The following HIRA variants were observed in gnomAD, a reference collection of about 807,000 sequenced individuals.
The protein encoded by HIRA is histone cell cycle regulator, also known as protein HIRA.
In HIRA, 13 loss-of-function variants were observed where a neutral mutation model predicts 126.6. The observed-to-expected ratio is 0.10, with a 90% CI of 0.07 to 0.16. The LOEUF is 0.16. HIRA is among the 10% of genes least tolerant of loss of function. HIRA has a pLI of 1.00. For synonymous variants in HIRA, 511 were observed against 520.0 expected, an observed-to-expected ratio of 0.98 and a Z score of 0.24; for missense variants, 834 against 1,314.4, an observed-to-expected ratio of 0.63 and a Z score of 5.65.
At chr22:19,392,891 C>G (rs1827555110) in intron 8 of HIRA, among the ~76,000 whole-genome samples, 1 of 152,144 alleles carries the variant, frequency 6.6e-6, no homozygotes, top group South Asian at 2.1e-4. Context: ...CAGACACCCT[C>G]CTGGATTTAA....
At position 19,359,356 on chromosome 22, in the gene HIRA, G is replaced by A. The variant is rs773534968; in HGVS notation, c.2214C>T (p.Ile738=). 3.1e-6 allele frequency: 5 copies of A among 1,598,668 alleles called. No homozygotes were observed. In the Admixed American group the frequency reaches 6.9e-5, roughly 22 times the overall value. Residue 738 remains isoleucine, a synonymous_variant, in exon 18 of 25, where the codon ATC becomes ATT. Transcript: ENST00000263208. ...CTTACCAGCTGCCCGCAGCAGTGAG[G>A]ATCCGGCTGGTGAGTACCGTCTCCC... The part of the protein sequence containing the change: ...KEWETVLTSR[I]LTAAGSCDVV...
At chr22:19,379,242 G>C (rs1477113687) in intron 13 of HIRA, among the ~76,000 whole-genome samples, 1 of 151,380 alleles carries the variant, frequency 6.6e-6, no homozygotes, top group African/African-American at 2.4e-5. Context: ...TCGATCTCCT[G>C]ACCTCGTGAT....
chr22:19,357,082 G>A (rs1556012864), intron 18 of HIRA, 31 bp from the exon 19 acceptor site: 3 of 1,611,914 alleles, frequency 1.9e-6, no homozygotes, highest in Admixed American at 1.7e-5. Flanking sequence ...CAGGTGTCAT[G>A]GGGGCTGAGT....
At chr22:19,427,457 T>C (rs2089497525) in intron 1 of HIRA, among the ~76,000 whole-genome samples, 1 of 152,194 alleles carries the variant, frequency 6.6e-6, no homozygotes, top group Non-Finnish European at 1.5e-5. Context: ...TCAAGCTGAA[T>C]TATTTAATTT....
intron 1 of HIRA, among the ~76,000 whole-genome samples, chr22:19,411,260 G>A (rs1031244569): frequency 2.0e-5 from 3 of 152,196 alleles, no homozygotes; most frequent in South Asian, 2.1e-4. Context: ...TTCCCATACC[G>A]TCTGCCATCT....
chr22:19,417,310 A>T (rs563825453), intron 1 of HIRA, among the ~76,000 whole-genome samples: 47 of 152,164 alleles, frequency 3.1e-4, no homozygotes, highest in Non-Finnish European at 6.2e-4. Flanking sequence ...ACAATTACGT[A>T]TTACCTCACA....
intron 15 of HIRA, among the ~76,000 whole-genome samples, chr22:19,373,937 T>TTTTTTTTTTTTTTTTTTTGAGACGGA (rs71186604): frequency 2.6e-5 from 4 of 151,406 alleles, no homozygotes; most frequent in Non-Finnish European, 4.4e-5. Context: ...CTGGCTTTTT[T>TTTTTTTTTTTTTTTTTTTGAGACGGA]GTTCACTCTT....
intron 5 of HIRA, among the ~76,000 whole-genome samples, chr22:19,403,717 A>G (rs1256054431): frequency 1.3e-5 from 2 of 152,148 alleles, no homozygotes; most frequent in Non-Finnish European, 2.9e-5. Context: ...TGCTTTTGTT[A>G]CATTATTTTT....
At chr22:19,370,471 C>T (rs1457244845) in intron 15 of HIRA, among the ~76,000 whole-genome samples, 1 of 151,896 alleles carries the variant, frequency 6.6e-6, no homozygotes, top group African/African-American at 2.4e-5. Flanking sequence ...CTCAAACTCC[C>T]GGACTCAAGT....
chr22:19,371,483 T>C (rs1007853442), intron 15 of HIRA, among the ~76,000 whole-genome samples: 1 of 152,220 alleles, frequency 6.6e-6, no homozygotes. Context: ...TATTGAGATA[T>C]ATATATCATA....
chr22:19,393,825 T>C (rs1170452800), intron 8 of HIRA, among the ~76,000 whole-genome samples: 1 of 152,222 alleles, frequency 6.6e-6, no homozygotes. Flanking sequence ...ACTTAACAGC[T>C]TGCCTTGGGC....
At chr22:19,331,616 A>G in intron 24 of HIRA, 60 bp from the exon 25 acceptor site, 1 of 1,481,334 alleles carries the variant, frequency 6.8e-7, no homozygotes, top group South Asian at 1.3e-5. Flanking sequence ...GATTGTGGGG[A>G]CTTTCCTGGC....
chr22:19,353,040 G>A (rs1452380538), intron 23 of HIRA, among the ~76,000 whole-genome samples: 1 of 152,266 alleles, frequency 6.6e-6, no homozygotes, highest in Non-Finnish European at 1.5e-5. Flanking sequence ...GCACTGCCAA[G>A]TTGTGGTGCA....
intron 24 of HIRA, among the ~76,000 whole-genome samples, chr22:19,340,551 C>G (rs1203862102): frequency 1.3e-5 from 2 of 151,946 alleles, no homozygotes; most frequent in Non-Finnish European, 2.9e-5. Context: ...AAAGGGCATC[C>G]AAATATGTAA....
At chr22:19,377,650 T>C (rs977387517) in intron 14 of HIRA, among the ~76,000 whole-genome samples, 9 of 152,198 alleles carry the variant, frequency 5.9e-5, no homozygotes, top group Admixed American at 5.9e-4. Flanking sequence ...CGGTCAGCCT[T>C]GATACACTCT....
intron 15 of HIRA, among the ~76,000 whole-genome samples, chr22:19,371,870 C>T (rs1395726258): frequency 6.6e-6 from 1 of 152,148 alleles, no homozygotes; most frequent in Non-Finnish European, 1.5e-5. Flanking sequence ...TATTCATCAC[C>T]TGATGGACTT....
At chr22:19,359,270 C>G in intron 18 of HIRA, 66 bp downstream of exon 18, 1 of 1,456,368 alleles carries the variant, frequency 6.9e-7, no homozygotes, top group Non-Finnish European at 9.1e-7. Flanking sequence ...TAGACAGGCC[C>G]AGGCCCAGAA....
chr22:19,357,087 C>A (rs1556012877), intron 18 of HIRA, 36 bp from the exon 19 acceptor site: 1 of 1,609,626 alleles, frequency 6.2e-7, no homozygotes, highest in African/African-American at 1.3e-5. Context: ...GTCATGGGGG[C>A]TGAGTGCTGC....
intron 1 of HIRA, among the ~76,000 whole-genome samples, chr22:19,428,014 T>C (rs1426245519): frequency 6.6e-6 from 1 of 152,244 alleles, no homozygotes; most frequent in Non-Finnish European, 1.5e-5. Flanking sequence ...ACATCTTCTA[T>C]ATAAATGATA....
Sources: allele counts gnomAD v4.1 joint callset (sites outside exome capture counted in the v4.1 genomes callset), GRCh38; gene constraint gnomAD v4.1.1; transcripts MANE v1.5; gene names NCBI Gene and HGNC (gene_info 2026-07-23, HGNC 2026-07-21).